The following CNTN4 variants were observed in gnomAD, a reference collection of about 807,000 sequenced individuals.
CNTN4 encodes contactin-4.
A neutral mutation model predicts 122.5 loss-of-function variants in CNTN4; 77 were observed. That is an observed-to-expected ratio of 0.63 (90% CI 0.52 to 0.76). CNTN4 has a LOEUF of 0.76. Ranked by LOEUF, CNTN4 falls within the 30% of genes least tolerant of loss-of-function variation. CNTN4 has a pLI of 0.00. For synonymous variants in CNTN4, 512 were observed against 447.0 expected (o/e 1.15, Z -1.83); for missense variants, 1,256 against 1,259.1 (o/e 1.00, Z 0.04).
chr3:2,383,342 G>T (rs947842219), intron 3 of CNTN4, among the ~76,000 whole-genome samples: 2 of 152,136 alleles, frequency 1.3e-5, no homozygotes. Context: ...TAGTGATGAT[G>T]ATGATGATGA....
chr3:2,608,048 T>C (rs2081332641), intron 4 of CNTN4, among the ~76,000 whole-genome samples: 1 of 152,202 alleles, frequency 6.6e-6, no homozygotes, highest in African/African-American at 2.4e-5. Context: ...TTTAGACGTT[T>C]AGGTTAACTC....
chr3:2,478,402 C>T (rs1169143045), intron 3 of CNTN4, among the ~76,000 whole-genome samples: 1 of 49,182 alleles, frequency 2.0e-5, no homozygotes, highest in Non-Finnish European at 3.9e-5. Context: ...TTTTCTTTAT[C>T]TGTTTGTTTT....
At chr3:2,423,648 A>G (rs1445504803) in intron 3 of CNTN4, among the ~76,000 whole-genome samples, 1 of 152,140 alleles carries the variant, frequency 6.6e-6, no homozygotes, top group Non-Finnish European at 1.5e-5. Flanking sequence ...TTGTCTACTT[A>G]AAGTAGAAGT....
At chr3:2,917,271 C>CAGAGGGAGACTGTGGAGAGAGAGGG (rs2094376838) in intron 12 of CNTN4, among the ~76,000 whole-genome samples, 1 of 151,552 alleles carries the variant, frequency 6.6e-6, no homozygotes. Flanking sequence ...GCTTCGGCAT[C>CAGAGGGAGACTGTGGAGAGAGAGGG]AGAGGGAGAC....
chr3:2,942,062 A>G (rs1427969716), intron 13 of CNTN4, among the ~76,000 whole-genome samples: 2 of 152,140 alleles, frequency 1.3e-5, no homozygotes, highest in African/African-American at 4.8e-5. Flanking sequence ...CTGGCCTGTA[A>G]GCTGTGTGAG....
intron 2 of CNTN4, among the ~76,000 whole-genome samples, chr3:2,207,885 A>T (rs2149422252): frequency 6.6e-6 from 1 of 152,238 alleles, no homozygotes; most frequent in South Asian, 2.1e-4. Flanking sequence ...GAGCTAATGT[A>T]ACTGGTGACT....
chr3:2,100,083 C>G (rs1011193771), intron 1 of CNTN4, among the ~76,000 whole-genome samples: 2 of 152,060 alleles, frequency 1.3e-5, no homozygotes, highest in African/African-American at 2.4e-5. Flanking sequence ...AAGAAGCTGG[C>G]GGAGGTTGTG....
intron 2 of CNTN4, among the ~76,000 whole-genome samples, chr3:2,335,481 T>G (rs1185510): frequency 6.6e-6 from 1 of 151,746 alleles, no homozygotes; most frequent in Non-Finnish European, 1.5e-5. Context: ...TCTTGCCTTG[T>G]GTTCGCCTCT....
At chr3:2,760,450 C>T (rs568338415) in intron 6 of CNTN4, among the ~76,000 whole-genome samples, 1 of 152,162 alleles carries the variant, frequency 6.6e-6, no homozygotes. Context: ...ATGGTTCTTT[C>T]TCTCATGAAT....
rs150344868 is a variant in CNTN4 at position 2,330,198 on chromosome 3, T to C, written c.-144-8980T>C. Among the ~76,000 whole-genome samples the C allele has an allele frequency of 3.1e-3, 477 of 152,260 alleles. 1 individual carries two copies. The highest frequency in any genetic ancestry group is 0.011 in the African/African-American group (463 of 41,542). ...TACTGGTTTATAATAAAGGATATTATAAAGAATACAGATGAACAGCCAGAT... is the reference window on the plus strand; with the variant it reads ...TACTGGTTTATAATAAAGGATATTACAAAGAATACAGATGAACAGCCAGAT... On this transcript the variant is annotated intron_variant, in intron 2 of 24. Coordinates refer to ENST00000418658, the MANE Select transcript of CNTN4 (RefSeq NM_175607.3).
intron 10 of CNTN4, among the ~76,000 whole-genome samples, chr3:2,891,142 T>G (rs899461399): frequency 6.6e-6 from 1 of 152,156 alleles, no homozygotes; most frequent in Non-Finnish European, 1.5e-5. Context: ...GGAAATTTTA[T>G]TTTTTGGTAA....
chr3:2,153,602 A>T (rs957506588), intron 2 of CNTN4, among the ~76,000 whole-genome samples: 2 of 152,230 alleles, frequency 1.3e-5, no homozygotes, highest in Non-Finnish European at 2.9e-5. Context: ...AAATGAAATG[A>T]AACAATGGCC....
chr3:2,422,676 TTAAAA>T (rs1479758876), intron 3 of CNTN4, among the ~76,000 whole-genome samples: 1 of 152,224 alleles, frequency 6.6e-6, no homozygotes, highest in Non-Finnish European at 1.5e-5. Context: ...CTGTACATCC[TTAAAA>T]TAATTCAGAA....
intron 7 of CNTN4, among the ~76,000 whole-genome samples, chr3:2,834,247 C>T (rs146743975): frequency 4.9e-4 from 75 of 152,218 alleles, no homozygotes; most frequent in African/African-American, 1.8e-3. Flanking sequence ...TATGTACCAT[C>T]TAAGTTGCTA....
At chr3:2,302,812 A>G (rs554796820) in intron 2 of CNTN4, among the ~76,000 whole-genome samples, 1 of 152,320 alleles carries the variant, frequency 6.6e-6, no homozygotes, top group East Asian at 1.9e-4. Flanking sequence ...TAAGTTTATT[A>G]GTCAATCTTA....
At chr3:2,507,337 T>A (rs995970874) in intron 3 of CNTN4, among the ~76,000 whole-genome samples, 1 of 151,628 alleles carries the variant, frequency 6.6e-6, no homozygotes, top group African/African-American at 2.4e-5. Context: ...AAAATCAGGG[T>A]TTTTTTTAAA....
Position 2,814,161 on chromosome 3 carries a change from A to G in CNTN4, c.359-5325A>G, listed in dbSNP as rs374436711. Among the ~76,000 whole-genome samples, 27 of 152,368 alleles carry G rather than the reference A, an allele frequency of 1.8e-4. 2 individuals carry two copies. The highest frequency in any genetic ancestry group is 8.3e-4 in the South Asian group (4 of 4,832). On this transcript the variant is annotated intron_variant, in intron 6 of 24. Transcript: ENST00000418658. Reference sequence around the variant, plus strand: ...ACATGGCTGTTGGAAAAAGTTATGTAAAATGCTGACAAATGAAATCAACAC... The same window carrying G: ...ACATGGCTGTTGGAAAAAGTTATGTGAAATGCTGACAAATGAAATCAACAC...
chr3:2,186,442 A>G (rs2037270937), intron 2 of CNTN4, among the ~76,000 whole-genome samples: 2 of 152,288 alleles, frequency 1.3e-5, no homozygotes, highest in African/African-American at 2.4e-5. Context: ...TTGAGTATAT[A>G]CCCATTAATG....
chr3:2,128,481 A>G (rs563817812), intron 2 of CNTN4, among the ~76,000 whole-genome samples: 15 of 152,280 alleles, frequency 9.9e-5, no homozygotes, highest in African/African-American at 3.1e-4. Flanking sequence ...AAGGTAGTCA[A>G]TGTCAGAGGC....
Sources: allele counts gnomAD v4.1 joint callset (sites outside exome capture counted in the v4.1 genomes callset), GRCh38; gene constraint gnomAD v4.1.1; transcripts MANE v1.5; gene names NCBI Gene and HGNC (gene_info 2026-07-23, HGNC 2026-07-21).